Variants in GFAP observed in about 807,000 individuals in gnomAD.
The protein encoded by GFAP is intermediate filament protein.
GFAP carries 38 observed loss-of-function variants against 49.3 expected under a neutral mutation model. The observed-to-expected ratio is 0.77, with a 90% CI of 0.60 to 1.01. The LOEUF is 1.01. Ranked by LOEUF, GFAP falls within the 50% of genes least tolerant of loss-of-function variation. The pLI is 0.00. For missense variants in GFAP, 463 were observed against 579.1 expected (o/e 0.80, Z 2.06); for synonymous variants, 222 against 236.4 (o/e 0.94, Z 0.56).
In GFAP at chr17:44,904,459, TGTG is replaced by T. The variant is rs2051618630; in HGVS notation, c.*2885_*2887del. The T allele has an allele frequency of 1.7e-5, 26 of 1,544,050 alleles. No homozygotes were observed. The highest frequency in any genetic ancestry group is 2.0e-5 in the Non-Finnish European group (23 of 1,142,344). ...CACGCTACCTCAAGGCCGTGCCCGATGTGGTGTCTTGTGGCTCAAGGGCTGTGC... is the reference window on the plus strand; with the variant it reads ...CACGCTACCTCAAGGCCGTGCCCGATGTGTCTTGTGGCTCAAGGGCTGTGC... On this transcript the variant is annotated 3_prime_UTR_variant, in exon 9 of 9. Coordinates refer to ENST00000588735, the MANE Select transcript of GFAP (RefSeq NM_002055.5).
rs761756851 is a variant in GFAP at position 44,915,362 on chromosome 17, A to G, written c.125T>C (p.Met42Thr). ...GPGTRLSLAR[M>T]PPPLPTRVDF... ...CACCCGGGTCGGGAGTGGAGGGGGC[A>G]TTCGAGCCAGGGAGAGGCGGGTGCC... is the stretch of plus-strand genomic sequence containing the variant. Residue 42 changes from methionine (M) to threonine (T), a missense_variant, in exon 1 of 9, where the codon ATG becomes ACG. Around this residue, in one of 3 missense-constraint regions of GFAP, gnomAD observed 89 missense variants for 87.5 expected, o/e 1.02. Coordinates refer to ENST00000588735, the MANE Select transcript of GFAP (RefSeq NM_002055.5). This position sits in a 1 kb window ranked among gnomAD's most constrained non-coding sequence, Gnocchi z 4.1. The G allele has an allele frequency of 1.2e-6, 2 of 1,610,966 alleles. No individual in the cohort carries two copies. The highest frequency in any genetic ancestry group is 8.5e-7 in the Non-Finnish European group (1 of 1,177,718).
Position 44,906,914 on chromosome 17 carries a change from C to T in GFAP, c.*433G>A, listed in dbSNP as rs1267253024. The T allele has an allele frequency of 8.0e-6, 2 of 249,786 alleles. No individual in the cohort carries two copies. Among genetic ancestry groups the T allele is most frequent in the East Asian group, 9.5e-5 (1 of 10,516 alleles). 15.5% of individuals were successfully genotyped at this position (249,786 alleles called of 1,614,324 possible). A position where few individuals can be genotyped will look rare whatever the true frequency, so the allele number is the denominator to read the frequency against. Reference sequence around the variant, plus strand: ...TCCTGTCTGAGTCTCAGTTTTCCTCCAGCAGCCTGAGGAAACTCAAAGGCA... The same window carrying T: ...TCCTGTCTGAGTCTCAGTTTTCCTCTAGCAGCCTGAGGAAACTCAAAGGCA... On this transcript the variant is annotated 3_prime_UTR_variant, in exon 9 of 9. Coordinates refer to ENST00000588735, the MANE Select transcript of GFAP (RefSeq NM_002055.5).
At chr17:44,909,921 CA>C (rs2051718739) in intron 7 of GFAP, 1 of 1,414,772 alleles carries the variant, frequency 7.1e-7, no homozygotes, top group Admixed American at 2.9e-5. Context: ...CCCAAGGACT[CA>C]CCACCTTTAC....
rs1316460703 is a variant in GFAP, at chr17:44,910,429, C to T, written c.1171+186G>A. The stretch of plus-strand genomic sequence containing the variant: ...GGGCCTAGCAGGACAGGGGCAGCTG[C>T]AAGCCCCACCTAGAAGTACCCTGGT... On this transcript the variant is annotated intron_variant, in intron 7 of 8. Coordinates refer to ENST00000588735, the MANE Select transcript of GFAP (RefSeq NM_002055.5). The T allele has an allele frequency of 2.5e-6, 4 of 1,583,620 alleles. No homozygotes were observed. In the Admixed American group the frequency reaches 5.5e-5, roughly 22 times the overall value.
chr17:44,904,684 C>A lies in GFAP; in HGVS notation c.*2663G>T. ...ACCAGCAGAGACTGGGCCATGGACT[C>A]ATCATCTCCTGTCCTGGGGCCCGGC... On this transcript the variant is annotated 3_prime_UTR_variant, in exon 9 of 9. Transcript: ENST00000588735. The A allele has an allele frequency of 6.4e-7, 1 of 1,550,608 alleles. No homozygotes were observed.
In GFAP at chr17:44,904,597, C is replaced by G. The variant is rs2145619947; in HGVS notation, c.*2750G>C. ...CCATCCGGGAGGGCGTGCTGGCCAT[C>G]ATTAACTATGTGTCCAAAGTGGGCA... On this transcript the variant is annotated 3_prime_UTR_variant, in exon 9 of 9. Coordinates refer to ENST00000588735, the MANE Select transcript of GFAP (RefSeq NM_002055.5). 1.9e-6 allele frequency: 3 copies of G among 1,550,594 alleles called. No individual in the cohort carries two copies. Among genetic ancestry groups the G allele is most frequent in the Non-Finnish European group, 1.7e-6 (2 of 1,147,004 alleles).
rs143958696 is a variant in GFAP, at chr17:44,911,420, C to G, written c.943G>C (p.Glu315Gln). The change falls in exon 6 of 9, where the codon GAG becomes CAG. Residue 315 changes from glutamate (E) to glutamine (Q), a missense_variant. Physicochemically the swap from Glu to Gln is conservative, Grantham distance 29. Around this residue, in one of 3 missense-constraint regions of GFAP, gnomAD observed 362 missense variants for 445.5 expected, o/e 0.81. Coordinates refer to ENST00000588735, the MANE Select transcript of GFAP (RefSeq NM_002055.5). ...SLERQMREQE[E>Q]RHVREAASYQ... Reference sequence around the variant, plus strand: ...CTGGCCGCCTCCCGCACGTGCCGCTCCTCCTGCTCGCGCATCTGCCTCTCC... The same window carrying G: ...CTGGCCGCCTCCCGCACGTGCCGCTGCTCCTGCTCGCGCATCTGCCTCTCC... The G allele has an allele frequency of 1.2e-6, 2 of 1,612,152 alleles. No homozygotes were observed. Among genetic ancestry groups the G allele is most frequent in the African/African-American group, 2.7e-5 (2 of 74,916 alleles).
At chr17:44,913,131 C>T (rs531795086) in intron 4 of GFAP, 138 bp downstream of exon 4, 2 of 848,804 alleles carry the variant, frequency 2.4e-6, no homozygotes. Context: ...CCTGGGCAAG[C>T]CATCTCACTT....
In GFAP at chr17:44,904,349, G is replaced by A; in HGVS notation, c.*2998C>T. On this transcript the variant is annotated 3_prime_UTR_variant, in exon 9 of 9. Coordinates refer to ENST00000588735, the MANE Select transcript of GFAP (RefSeq NM_002055.5). ...CCTCCATGTCTTCACCACCTTCTGGGAATGGACCCCCTGTGACCGCTGCGG... is the reference window on the plus strand; with the variant it reads ...CCTCCATGTCTTCACCACCTTCTGGAAATGGACCCCCTGTGACCGCTGCGG... 6.5e-7 allele frequency: 1 copy of A among 1,542,740 alleles called. No individual in the cohort carries two copies. The highest frequency in any genetic ancestry group is 1.4e-5 in the African/African-American group (1 of 72,982).
At position 44,904,668 on chromosome 17, in the gene GFAP, G is replaced by T. The variant is rs2051623910; in HGVS notation, c.*2679C>A. Reference sequence around the variant, plus strand: ...GTGCCCATTCAGTTCCACCAGCAGAGACTGGGCCATGGACTCATCATCTCC... The same window carrying T: ...GTGCCCATTCAGTTCCACCAGCAGATACTGGGCCATGGACTCATCATCTCC... On this transcript the variant is annotated 3_prime_UTR_variant, in exon 9 of 9. Coordinates refer to ENST00000588735, the MANE Select transcript of GFAP (RefSeq NM_002055.5). The T allele has an allele frequency of 6.4e-7, 1 of 1,550,572 alleles. No homozygotes were observed. The highest frequency in any genetic ancestry group is 8.7e-7 in the Non-Finnish European group (1 of 1,147,008).
intron 4 of GFAP, chr17:44,912,977 G>C (rs946219298): frequency 1.8e-5 from 8 of 442,718 alleles, no homozygotes; most frequent in South Asian, 8.9e-5. Flanking sequence ...TCTCTCATCT[G>C]TCAAAGAACA....
rs766283159 is a variant in GFAP at position 44,908,109 on chromosome 17, G to C, written c.1212C>G (p.Leu404=). 9.3e-6 allele frequency: 15 copies of C among 1,609,704 alleles called. No individual in the cohort carries two copies. Among genetic ancestry groups the C allele is most frequent in the Non-Finnish European group, 1.2e-5 (14 of 1,176,310 alleles). ...LDTKSVSEGH[L]KRNIVVKTVE... is the part of the protein sequence containing the mutation. ...CGGTCTTCACCACGATGTTCCTCTTGAGGTGGCCTTCTGACACAGACTTGG... is the reference window on the plus strand; with the variant it reads ...CGGTCTTCACCACGATGTTCCTCTTCAGGTGGCCTTCTGACACAGACTTGG... Residue 404 remains leucine (L), a synonymous_variant, in exon 8 of 9, where the codon CTC becomes CTG. Coordinates refer to ENST00000588735, the MANE Select transcript of GFAP (RefSeq NM_002055.5).
chr17:44,912,134 T>G (rs554241524), intron 4 of GFAP, among the ~76,000 whole-genome samples: 11 of 152,164 alleles, frequency 7.2e-5, no homozygotes, highest in African/African-American at 2.7e-4. Context: ...TTTTTTTGTT[T>G]TATTTTGAGA....
rs1597847210 is a variant in GFAP, at chr17:44,903,416, C to A, written c.*3931G>T. The A allele has an allele frequency of 8.0e-7, 1 of 1,251,808 alleles. No homozygotes were observed. The highest frequency in any genetic ancestry group is 3.8e-5 in the Admixed American group (1 of 26,586). The allele number at this position is 1,251,808 out of a possible 1,614,324, so 77.5% of individuals were successfully genotyped here. A position where few individuals can be genotyped will look rare whatever the true frequency, so the allele number is the denominator to read the frequency against. On this transcript the variant is annotated 3_prime_UTR_variant, in exon 9 of 9. Coordinates refer to ENST00000588735, the MANE Select transcript of GFAP (RefSeq NM_002055.5). ...ATGCAGGAGGGTGGGTTTCCTTCAT[C>A]CCCCAGGTTGATGAAAGACTTTTCC...
chr17:44,914,817 G>A, intron 1 of GFAP: 2 of 596,198 alleles, frequency 3.4e-6, no homozygotes. Context: ...ACTCCTGGCA[G>A]AAGGCATGCG....
In GFAP at chr17:44,910,483, G is replaced by C. The variant is rs2051734800; in HGVS notation, c.1171+132C>G. 4.5e-6 allele frequency: 7 copies of C among 1,554,012 alleles called. No homozygotes were observed. In the East Asian group the frequency reaches 1.7e-4, roughly 38 times the overall value. On this transcript the variant is annotated intron_variant, in intron 7 of 8. Coordinates refer to ENST00000588735, the MANE Select transcript of GFAP (RefSeq NM_002055.5). ...ATAGGCTCTGGCTAGGAGCGCTGCA[G>C]TGTCACGAAGGCCCCCAGGGAGAGC... is the stretch of plus-strand genomic sequence containing the variant.
At chr17:44,911,647 C>T in intron 5 of GFAP, 25 bp downstream of exon 5, 1 of 1,609,432 alleles carries the variant, frequency 6.2e-7, no homozygotes, top group Non-Finnish European at 8.5e-7. Flanking sequence ...TCCGCCCGTC[C>T]CCGTCCTGCC....
Position 44,903,783 on chromosome 17 carries a change from A to T in GFAP, c.*3564T>A. 1 of 1,512,132 alleles carries T rather than the reference A, an allele frequency of 6.6e-7. No individual in the cohort carries two copies. Among genetic ancestry groups the T allele is most frequent in the South Asian group, 1.3e-5 (1 of 77,888 alleles). The allele number at this position is 1,512,132 out of a possible 1,614,324, so 93.7% of individuals were successfully genotyped here. A position where few individuals can be genotyped will look rare whatever the true frequency, so the allele number is the denominator to read the frequency against. On this transcript the variant is annotated 3_prime_UTR_variant, in exon 9 of 9. Coordinates refer to ENST00000588735, the MANE Select transcript of GFAP (RefSeq NM_002055.5). Reference sequence around the variant, plus strand: ...CTTTCTAGGAGCCCTATGAGCCTTTAATGCCCTGGTTTTGCCCTGCCCCTC... The same window carrying T: ...CTTTCTAGGAGCCCTATGAGCCTTTTATGCCCTGGTTTTGCCCTGCCCCTC...
rs2051666626 is a variant in GFAP, at chr17:44,907,246, G to C, written c.*101C>G. 9.1e-7 allele frequency: 1 copy of C among 1,102,172 alleles called. No homozygotes were observed. The highest frequency in any genetic ancestry group is 1.4e-6 in the Non-Finnish European group (1 of 717,642). 68.3% of individuals were successfully genotyped at this position (1,102,172 alleles called of 1,614,324 possible). A position where few individuals can be genotyped will look rare whatever the true frequency, so the allele number is the denominator to read the frequency against. On this transcript the variant is annotated 3_prime_UTR_variant, in exon 9 of 9. Coordinates refer to ENST00000588735, the MANE Select transcript of GFAP (RefSeq NM_002055.5). ...AGGGGAGCAGCTGGGGTGGTGGGGA[G>C]CTCAGGTCTGGGGAAATGTGCCAGC...
Sources: allele counts gnomAD v4.1 joint callset (sites outside exome capture counted in the v4.1 genomes callset), GRCh38; gene constraint gnomAD v4.1.1; regional missense constraint gnomAD v4.1.1; non-coding constraint Gnocchi (gnomAD v3.1); transcripts MANE v1.5; gene names NCBI Gene and HGNC (gene_info 2026-07-23, HGNC 2026-07-21).